ELOVL4: variants seen among roughly 807,000 people sequenced by gnomAD.
The protein encoded by ELOVL4 is very long chain fatty acid elongase 4.
ELOVL4 carries 18 observed loss-of-function variants against 42.1 expected under a neutral mutation model. The observed-to-expected ratio is 0.43, with a 90% CI of 0.30 to 0.63. The LOEUF is 0.63. Ranked by LOEUF, ELOVL4 falls within the 30% of genes least tolerant of loss-of-function variation. The pLI is 0.15. For missense variants in ELOVL4, 299 were observed against 376.2 expected (o/e 0.79, Z 1.70); for synonymous variants, 117 against 127.0 (o/e 0.92, Z 0.53).
intron 1 of ELOVL4, among the ~76,000 whole-genome samples, chr6:79,935,697 T>C (rs773645539): frequency 2.8e-4 from 43 of 152,226 alleles, no homozygotes; most frequent in Admixed American, 1.6e-3. Flanking sequence ...TATAATACGG[T>C]TCCAGAAGAC....
intron 3 of ELOVL4, among the ~76,000 whole-genome samples, chr6:79,924,293 C>T (rs148862760): frequency 0.016 from 2,494 of 152,238 alleles, 30 homozygotes; most frequent in South Asian, 0.038. Context: ...TAACACATAA[C>T]TTGGACTCTA....
At chr6:79,931,970 G>A (rs1045914406) in intron 1 of ELOVL4, among the ~76,000 whole-genome samples, 1 of 152,134 alleles carries the variant, frequency 6.6e-6, no homozygotes, top group Non-Finnish European at 1.5e-5. Flanking sequence ...GAGCTCAGGA[G>A]CAAAAGCCTT....
chr6:79,939,227 G>T (rs1248773939), intron 1 of ELOVL4, among the ~76,000 whole-genome samples: 1 of 152,100 alleles, frequency 6.6e-6, no homozygotes, highest in East Asian at 1.9e-4. Flanking sequence ...GAGCACTAAA[G>T]AGATCATTTC....
intron 2 of ELOVL4, 103 bp from the exon 3 acceptor site, chr6:79,925,135 T>C (rs1774322628): frequency 2.6e-6 from 2 of 778,592 alleles, no homozygotes; most frequent in Admixed American, 2.5e-5. Flanking sequence ...TTAAACACAA[T>C]ATTTTCTTTA....
chr6:79,924,985 A>G lies in ELOVL4; in HGVS notation c.336T>C (p.Ser112=). 1 of 1,606,856 alleles carries G rather than the reference A, an allele frequency of 6.2e-7. No homozygotes were observed. Among genetic ancestry groups the G allele is most frequent in the Non-Finnish European group, 8.5e-7 (1 of 1,173,516 alleles). The stretch of plus-strand genomic sequence containing the variant: ...CATGAACATTATTAGAATAATCCAC[A>G]CTCTGGCAAATATAGCTATATCCCG... ...YNAGYSYICQ[S]VDYSNNVHEV... The change falls in exon 3 of 6, where the codon AGT becomes AGC. Residue 112 remains serine (S), a synonymous_variant. Transcript: ENST00000369816.
At chr6:79,925,962 T>G (rs997121605) in intron 2 of ELOVL4, among the ~76,000 whole-genome samples, 1 of 152,166 alleles carries the variant, frequency 6.6e-6, no homozygotes, top group Non-Finnish European at 1.5e-5. Flanking sequence ...GAACAGCTAA[T>G]AAGGGTTACT....
intron 1 of ELOVL4, among the ~76,000 whole-genome samples, chr6:79,932,424 A>G (rs1774462665): frequency 6.6e-6 from 1 of 152,054 alleles, no homozygotes; most frequent in Non-Finnish European, 1.5e-5. Context: ...GTGCGCCTGT[A>G]ATCCCAGCTA....
chr6:79,922,007 G>A (rs1473798563), intron 3 of ELOVL4, among the ~76,000 whole-genome samples: 3 of 152,190 alleles, frequency 2.0e-5, no homozygotes, highest in African/African-American at 7.2e-5. Context: ...TCTATACAGT[G>A]CCAATAAGTT....
At chr6:79,933,913 G>C (rs1774499919) in intron 1 of ELOVL4, among the ~76,000 whole-genome samples, 1 of 152,240 alleles carries the variant, frequency 6.6e-6, no homozygotes, top group Non-Finnish European at 1.5e-5. Flanking sequence ...GGATGTGAGA[G>C]AAGAGAGTCA....
chr6:79,927,883 G>T (rs956368004), intron 1 of ELOVL4, among the ~76,000 whole-genome samples: 2 of 152,132 alleles, frequency 1.3e-5, no homozygotes, highest in Admixed American at 1.3e-4. Context: ...TGAACCACAG[G>T]AGAGATGGTA....
intron 1 of ELOVL4, 136 bp downstream of exon 1, chr6:79,947,044 G>C (rs1287452504): frequency 1.8e-5 from 13 of 722,288 alleles, no homozygotes; most frequent in Non-Finnish European, 3.1e-5. Flanking sequence ...GCCCGCGCCG[G>C]CCCCTCCGCT....
intron 1 of ELOVL4, among the ~76,000 whole-genome samples, chr6:79,929,773 T>A (rs977343165): frequency 6.6e-6 from 1 of 152,220 alleles, no homozygotes; most frequent in Non-Finnish European, 1.5e-5. Flanking sequence ...GCATTTTGCA[T>A]GACCAGAGCA....
chr6:79,922,917 T>A, intron 3 of ELOVL4, among the ~76,000 whole-genome samples: 1 of 152,300 alleles, frequency 6.6e-6, no homozygotes, highest in East Asian at 1.9e-4. Flanking sequence ...TCATTAAAAA[T>A]GATATGAATT....
chr6:79,934,869 CAAAGAGA>C (rs1405955532), intron 1 of ELOVL4, among the ~76,000 whole-genome samples: 2 of 151,950 alleles, frequency 1.3e-5, no homozygotes, highest in Non-Finnish European at 2.9e-5. Flanking sequence ...CCTCTATCTT[CAAAGAGA>C]AAAGTTAAAC....
At position 79,916,819 on chromosome 6, in the gene ELOVL4, T is replaced by C. The variant is rs1476015565; in HGVS notation, c.734A>G (p.Lys245Arg). ...GGCAATTAGAGCCCAGTGCATCCAT[T>C]TGGGGAAGGGGCAGTCAGTGTAAAG... ...LSLYTDCPFPKWMHWALIAYA... is the reference protein window; with the variant it reads ...LSLYTDCPFPRWMHWALIAYA... Residue 245 changes from lysine to arginine, a missense_variant, in exon 6 of 6, where the codon AAA (lysine) becomes AGA (arginine). Physicochemically the swap from Lys to Arg is conservative, Grantham distance 26. Transcript: ENST00000369816. 1.2e-6 allele frequency: 2 copies of C among 1,614,134 alleles called. No homozygotes were observed. Among genetic ancestry groups the C allele is most frequent in the South Asian group, 1.1e-5 (1 of 91,076 alleles).
Position 79,924,985 on chromosome 6 carries a change from ACT to A in ELOVL4, c.334_335del (p.Ser112CysfsTer5). 1 of 1,606,856 alleles carries A rather than the reference ACT, an allele frequency of 6.2e-7. No homozygotes were observed. The highest frequency in any genetic ancestry group is 8.5e-7 in the Non-Finnish European group (1 of 1,173,516). On this transcript the variant is annotated frameshift_variant, in exon 3 of 6. Coordinates refer to ENST00000369816, the MANE Select transcript of ELOVL4 (RefSeq NM_022726.4). LOFTEE classifies it high-confidence loss of function. ...CATGAACATTATTAGAATAATCCAC[ACT>A]CTGGCAAATATAGCTATATCCCGCA... is the stretch of plus-strand genomic sequence containing the variant. ...YNAGYSYICQ[S>X]VDYSNNVHEV...
Position 79,916,429 on chromosome 6 carries a change from T to C in ELOVL4, c.*179A>G, listed in dbSNP as rs1228448184. 2 of 687,528 alleles carry C rather than the reference T, an allele frequency of 2.9e-6. No homozygotes were observed. Among genetic ancestry groups the C allele is most frequent in the South Asian group, 1.9e-5 (1 of 53,788 alleles). 42.6% of individuals were successfully genotyped at this position (687,528 alleles called of 1,614,324 possible). ...AAAAATGTTTAAAATAAAAACTTCA[T>C]AAATAAAACATCTGGGTATGGTATT... On this transcript the variant is annotated 3_prime_UTR_variant, in exon 6 of 6. Coordinates refer to ENST00000369816, the MANE Select transcript of ELOVL4 (RefSeq NM_022726.4).
intron 1 of ELOVL4, among the ~76,000 whole-genome samples, chr6:79,945,070 A>G (rs923698384): frequency 6.6e-6 from 1 of 151,528 alleles, no homozygotes; most frequent in African/African-American, 2.4e-5. Context: ...CACAGACTTC[A>G]GGTCTATTCG....
In ELOVL4 at chr6:79,916,716, T is replaced by C; in HGVS notation, c.837A>G (p.Gly279=). Residue 279 remains glycine (G), a synonymous_variant, in exon 6 of 6, where the codon GGA becomes GGG. Transcript: ENST00000369816. ...CTGAAATACCATTCATGGCTGTTTT[T>C]CCAGCTTTTGGTTTCTTAGGCTCTT... ...TYKEPKKPKA[G]KTAMNGISAN... is the part of the protein sequence containing the mutation. 12 of 1,614,240 alleles carry C rather than the reference T, an allele frequency of 7.4e-6. No homozygotes were observed. The highest frequency in any genetic ancestry group is 1.0e-5 in the Non-Finnish European group (12 of 1,180,044).
Sources: allele counts gnomAD v4.1 joint callset (sites outside exome capture counted in the v4.1 genomes callset), GRCh38; gene constraint gnomAD v4.1.1; transcripts MANE v1.5; gene names NCBI Gene and HGNC (gene_info 2026-07-23, HGNC 2026-07-21).